PDCD11: variants seen among roughly 807,000 people sequenced by gnomAD.
The protein encoded by PDCD11 is programmed cell death 11.
Under a neutral mutation model 198.9 loss-of-function variants are expected in PDCD11, and 97 were observed. That is an observed-to-expected ratio of 0.49 (90% CI 0.41 to 0.58). PDCD11 has a LOEUF of 0.58. Ranked by LOEUF, PDCD11 falls within the 20% of genes least tolerant of loss-of-function variation. The pLI is 0.00. For missense variants in PDCD11, 2,102 were observed against 2,312.7 expected (o/e 0.91, Z 1.87); for synonymous variants, 893 against 918.0 (o/e 0.97, Z 0.49).
intron 1 of PDCD11, among the ~76,000 whole-genome samples, chr10:103,397,615 G>T (rs2093443838): frequency 6.6e-6 from 1 of 152,218 alleles, no homozygotes; most frequent in Non-Finnish European, 1.5e-5. Context: ...TGCGTTTTTG[G>T]TAGAGACGGG....
Position 103,440,800 on chromosome 10 carries a change from T to C in PDCD11, c.4507T>C (p.Tyr1503His). ...SEEDDSLVDVYYREGKEEAEE... is the reference protein window; with the variant it reads ...SEEDDSLVDVHYREGKEEAEE... ...GGAGGACGACAGCCTTGTGGACGTG[T>C]ACTATCGGGAGGGAAAAGAGGAGGC... Residue 1503 changes from tyrosine (Y) to histidine (H), a missense_variant, in exon 30 of 36, where the codon TAC (tyrosine) becomes CAC (histidine). By Grantham distance (83) the Tyr-to-His change is moderately conservative. Transcript: ENST00000369797. The C allele has an allele frequency of 6.2e-7, 1 of 1,614,042 alleles. No homozygotes were observed. The highest frequency in any genetic ancestry group is 8.5e-7 in the Non-Finnish European group (1 of 1,179,994).
At chr10:103,428,978 CAT>C (rs1299048472) in intron 21 of PDCD11, among the ~76,000 whole-genome samples, 1 of 152,156 alleles carries the variant, frequency 6.6e-6, no homozygotes, top group Non-Finnish European at 1.5e-5. Flanking sequence ...TCTTGAGAAA[CAT>C]AGTGATATTT....
intron 7 of PDCD11, among the ~76,000 whole-genome samples, chr10:103,407,403 A>T (rs1176512505): frequency 1.3e-5 from 2 of 152,076 alleles, no homozygotes; most frequent in East Asian, 3.9e-4. Flanking sequence ...CTCTGCTAAA[A>T]ATACAAAAAA....
Position 103,424,995 on chromosome 10 carries a change from C to T in PDCD11, c.2775C>T (p.Gly925=). Residue 925 remains glycine (G), a synonymous_variant, in exon 20 of 36, where the codon GGC becomes GGT. Transcript: ENST00000369797. ...TTTCTCTCTTCTAGCTGAGGAAAGGCAGCGAACACCAGGCGATTGTGCAGC... is the reference window on the plus strand; with the variant it reads ...TTTCTCTCTTCTAGCTGAGGAAAGGTAGCGAACACCAGGCGATTGTGCAGC... ...VNRKARKLRK[G]SEHQAIVQHL... The T allele has an allele frequency of 6.2e-7, 1 of 1,614,006 alleles. No individual in the cohort carries two copies. Among genetic ancestry groups the T allele is most frequent in the Non-Finnish European group, 8.5e-7 (1 of 1,179,892 alleles).
rs2030019230 is a variant in PDCD11, at chr10:103,401,098, CCT to C, written c.234+572_234+573del. ...AAAGCTGTCGTGGGCTTGTTTGTGT[CCT>C]CACAGGACTTGAGTTCTGATATATT... On this transcript the variant is annotated intron_variant, in intron 3 of 35. Transcript: ENST00000369797. Among the ~76,000 whole-genome samples, 3 of 152,000 alleles carry C rather than the reference CCT, an allele frequency of 2.0e-5. No individual in the cohort carries two copies. The South Asian group carries it at 6.2e-4, about 31-fold the overall frequency.
rs776742893 is a variant in PDCD11, at chr10:103,425,470, G to A, written c.3250G>A (p.Val1084Ile). 1.2e-6 allele frequency: 2 copies of A among 1,613,944 alleles called. No homozygotes were observed. The highest frequency in any genetic ancestry group is 1.7e-6 in the Non-Finnish European group (2 of 1,179,954). ...CACCTCTCCTACTACCAAGCTGAAG[G>A]TTGGGAAGACGGTCACTGCCCGAGT... ...EGTSPTTKLK[V>I]GKTVTARVIG... Residue 1084 changes from valine to isoleucine, a missense_variant, in exon 20 of 36, where the codon GTT becomes ATT. Val to Ile is a conservative substitution (Grantham distance 29, BLOSUM62 3). Transcript: ENST00000369797.
chr10:103,445,270 A>T (rs1401508863), intron 35 of PDCD11, 108 bp from the exon 36 acceptor site: 2 of 958,826 alleles, frequency 2.1e-6, no homozygotes, highest in African/African-American at 1.6e-5. Context: ...GGAGTCCTGG[A>T]TGGGAGAGGG....
chr10:103,421,067 G>C (rs1179220369), intron 16 of PDCD11, among the ~76,000 whole-genome samples: 2 of 152,032 alleles, frequency 1.3e-5, no homozygotes, highest in African/African-American at 4.8e-5. Flanking sequence ...GTAGAGTCAG[G>C]GTTTCACCAT....
chr10:103,423,070 C>G lies in PDCD11; in HGVS notation c.2580C>G (p.Gly860=), dbSNP rs1239032512. ...TGGTGCAGGAGGTGTTGGAAGATGG[C>G]TCTGTGGTATTCAGTGGGGGTCCAG... ...DLVVQEVLED[G]SVVFSGGPVP... The change falls in exon 18 of 36, where the codon GGC becomes GGG. Residue 860 remains glycine (G), a synonymous_variant. Coordinates refer to ENST00000369797, the MANE Select transcript of PDCD11 (RefSeq NM_014976.2). 5.0e-6 allele frequency: 8 copies of G among 1,606,822 alleles called. No homozygotes were observed. Among genetic ancestry groups the G allele is most frequent in the African/African-American group, 1.3e-5 (1 of 74,592 alleles).
intron 27 of PDCD11, 82 bp from the exon 28 acceptor site, chr10:103,439,664 C>T (rs1227240336): frequency 6.5e-7 from 1 of 1,529,164 alleles, no homozygotes; most frequent in Non-Finnish European, 9.1e-7. Context: ...ACTTGAGTCC[C>T]TGTGAGAGTG....
chr10:103,420,842 G>C (rs1243433742), intron 16 of PDCD11, among the ~76,000 whole-genome samples: 1 of 151,828 alleles, frequency 6.6e-6, no homozygotes, highest in Admixed American at 6.6e-5. Flanking sequence ...TCTCCTGGAG[G>C]CTCTGTTTTT....
intron 25 of PDCD11, 114 bp from the exon 26 acceptor site, chr10:103,437,901 C>T: frequency 1.3e-6 from 1 of 786,832 alleles, no homozygotes. Flanking sequence ...TGACCAGAGT[C>T]TCCTGTCTCC....
At chr10:103,440,937 T>G (rs1376336821) in intron 30 of PDCD11, 87 bp downstream of exon 30, 1 of 940,440 alleles carries the variant, frequency 1.1e-6, no homozygotes, top group African/African-American at 1.7e-5. Context: ...TTTACTTCAT[T>G]TCCTATAAAA....
chr10:103,423,188 A>G (rs761497908), intron 18 of PDCD11, 51 bp downstream of exon 18: 4 of 1,471,674 alleles, frequency 2.7e-6, no homozygotes, highest in African/African-American at 1.4e-5. Flanking sequence ...CCCTTTGTCC[A>G]TTGCTCCCTC....
chr10:103,427,994 T>C (rs544852300), intron 21 of PDCD11, among the ~76,000 whole-genome samples: 98 of 152,184 alleles, frequency 6.4e-4, no homozygotes, highest in African/African-American at 1.5e-3. Flanking sequence ...ACCTAGAGAT[T>C]TACAGAACGG....
At chr10:103,405,412 T>TC (rs1172377146) in intron 5 of PDCD11, 13 of 363,434 alleles carry the variant, frequency 3.6e-5, no homozygotes, top group South Asian at 3.5e-4. Context: ...CAAATTTCTT[T>TC]TTTTTTTTTG....
Position 103,443,901 on chromosome 10 carries a change from G to T in PDCD11, c.5125-14G>T. ...TATCACACTCTCCTCAGCGTGCCTC[G>T]TCTTTTCCCACAGGAAGCTGGTGAA... is the stretch of plus-strand genomic sequence containing the variant. On this transcript the variant is annotated splice_polypyrimidine_tract_variant and intron_variant, in intron 33 of 35. Coordinates refer to ENST00000369797, the MANE Select transcript of PDCD11 (RefSeq NM_014976.2). The T allele has an allele frequency of 6.2e-7, 1 of 1,613,522 alleles. No homozygotes were observed. Among genetic ancestry groups the T allele is most frequent in the Non-Finnish European group, 8.5e-7 (1 of 1,179,606 alleles).
Position 103,442,207 on chromosome 10 carries a change from T to C in PDCD11, c.4708-6T>C. The C allele has an allele frequency of 6.2e-7, 1 of 1,613,694 alleles. No individual in the cohort carries two copies. The highest frequency in any genetic ancestry group is 8.5e-7 in the Non-Finnish European group (1 of 1,179,872). Reference sequence around the variant, plus strand: ...TGACTCACGGTGTTTCTGCTTTCCATAGCAGATAAAGAAAAGCAAGAAAGA... The same window carrying C: ...TGACTCACGGTGTTTCTGCTTTCCACAGCAGATAAAGAAAAGCAAGAAAGA... On this transcript the variant is annotated splice_region_variant and splice_polypyrimidine_tract_variant and intron_variant, in intron 31 of 35. Coordinates refer to ENST00000369797, the MANE Select transcript of PDCD11 (RefSeq NM_014976.2).
At chr10:103,398,690 G>A (rs966165893) in intron 2 of PDCD11, among the ~76,000 whole-genome samples, 162 bp downstream of exon 2, 3 of 152,186 alleles carry the variant, frequency 2.0e-5, no homozygotes, top group African/African-American at 7.2e-5. Flanking sequence ...ACCACCACAA[G>A]GCTGTATCTT....
Sources: allele counts gnomAD v4.1 joint callset (sites outside exome capture counted in the v4.1 genomes callset), GRCh38; gene constraint gnomAD v4.1.1; transcripts MANE v1.5; gene names NCBI Gene and HGNC (gene_info 2026-07-23, HGNC 2026-07-21).